DLG2: variants seen among roughly 807,000 people sequenced by gnomAD.
DLG2 encodes disks large homolog 2.
A neutral mutation model predicts 132.5 loss-of-function variants in DLG2; 45 were observed. The observed-to-expected ratio is 0.34, with a 90% CI of 0.27 to 0.44. DLG2 has a LOEUF of 0.44. DLG2 is among the 20% of genes least tolerant of loss of function. The probability of loss-of-function intolerance (pLI) is 1.00; values close to 1 mark genes in which losing one functional copy is unlikely to be tolerated. For missense variants in DLG2, 1,045 were observed against 1,196.9 expected (o/e 0.87, Z 1.87); for synonymous variants, 424 against 419.6 (o/e 1.01, Z -0.13).
At chr11:85,201,744 AAAGT>A (rs1234877310) in intron 4 of DLG2, among the ~76,000 whole-genome samples, 1 of 152,230 alleles carries the variant, frequency 6.6e-6, no homozygotes, top group East Asian at 1.9e-4. Context: ...CCAAATGGAC[AAAGT>A]AAGGCACTAG....
intron 6 of DLG2, among the ~76,000 whole-genome samples, chr11:84,875,211 T>C (rs559195007): frequency 6.6e-6 from 1 of 152,142 alleles, no homozygotes; most frequent in South Asian, 2.1e-4. Context: ...TATGGATACA[T>C]TGGTTTAATA....
At chr11:85,625,157 A>C (rs2081967077) in intron 2 of DLG2, 1 of 151,014 alleles carries the variant, frequency 6.6e-6, no homozygotes, top group South Asian at 2.1e-4. Context: ...TCTTCCTTTC[A>C]CTCTTTTCCT....
At chr11:84,069,219 T>C (rs2096721504) in intron 10 of DLG2, among the ~76,000 whole-genome samples, 1 of 152,210 alleles carries the variant, frequency 6.6e-6, no homozygotes, top group South Asian at 2.1e-4. Flanking sequence ...CAAAAACCAC[T>C]GCTCTAGGTT....
At chr11:84,058,834 G>T (rs1450011255) in intron 11 of DLG2, among the ~76,000 whole-genome samples, 1 of 151,836 alleles carries the variant, frequency 6.6e-6, no homozygotes, top group Non-Finnish European at 1.5e-5. Flanking sequence ...TTTGGCTACT[G>T]CAAGCATAAA....
At chr11:85,165,416 G>A (rs2078367941) in intron 4 of DLG2, among the ~76,000 whole-genome samples, 1 of 152,126 alleles carries the variant, frequency 6.6e-6, no homozygotes, top group Non-Finnish European at 1.5e-5. Context: ...CTTTAAAATG[G>A]GACAGTTTTC....
intron 18 of DLG2, among the ~76,000 whole-genome samples, chr11:83,721,161 A>T (rs1593082997): frequency 6.6e-6 from 1 of 152,170 alleles, no homozygotes; most frequent in Non-Finnish European, 1.5e-5. Flanking sequence ...GGGGGATAGC[A>T]GTTGGCCAAG....
At chr11:84,739,958 G>A (rs1326532296) in intron 6 of DLG2, among the ~76,000 whole-genome samples, 1 of 151,936 alleles carries the variant, frequency 6.6e-6, no homozygotes, top group Non-Finnish European at 1.5e-5. Context: ...GCCCCAGCTA[G>A]GCCCTAGAGT....
chr11:84,878,342 T>C (rs548608186), intron 6 of DLG2, among the ~76,000 whole-genome samples: 15 of 151,970 alleles, frequency 9.9e-5, no homozygotes, highest in African/African-American at 3.4e-4. Context: ...ATAAAGAAAA[T>C]GTGGCACATA....
chr11:84,909,680 T>C (rs1274739500), intron 6 of DLG2, among the ~76,000 whole-genome samples: 2 of 152,214 alleles, frequency 1.3e-5, no homozygotes, highest in Non-Finnish European at 2.9e-5. Flanking sequence ...TCTATCCGAA[T>C]AGGCTCAGTA....
chr11:85,370,110 G>A (rs982019417), intron 3 of DLG2, among the ~76,000 whole-genome samples: 2 of 152,118 alleles, frequency 1.3e-5, no homozygotes, highest in African/African-American at 4.8e-5. Flanking sequence ...TAAGGCCTAT[G>A]GAACTGACAT....
intron 18 of DLG2, among the ~76,000 whole-genome samples, chr11:83,658,463 T>C (rs2073340578): frequency 6.6e-6 from 1 of 152,250 alleles, no homozygotes. Flanking sequence ...CTTCACAGAA[T>C]GACAATGATA....
intron 17 of DLG2, among the ~76,000 whole-genome samples, chr11:83,810,933 A>G (rs2153963838): frequency 6.6e-6 from 1 of 152,228 alleles, no homozygotes; most frequent in South Asian, 2.1e-4. Context: ...TAGAAAGTCA[A>G]GCTTTCTATG....
At chr11:84,792,027 G>C (rs912539633) in intron 6 of DLG2, among the ~76,000 whole-genome samples, 3 of 152,066 alleles carry the variant, frequency 2.0e-5, no homozygotes, top group African/African-American at 7.2e-5. Flanking sequence ...TAGAGGAAAG[G>C]CTTTCAGTTT....
chr11:84,043,944 T>C (rs913282912), intron 11 of DLG2, among the ~76,000 whole-genome samples: 1 of 151,706 alleles, frequency 6.6e-6, no homozygotes, highest in Admixed American at 6.6e-5. Flanking sequence ...ACAGCATAAA[T>C]CATGAGCAAT....
At chr11:84,433,348 A>T (rs936074526) in intron 7 of DLG2, among the ~76,000 whole-genome samples, 1 of 152,190 alleles carries the variant, frequency 6.6e-6, no homozygotes, top group African/African-American at 2.4e-5. Context: ...ATTTATCTTA[A>T]AGATTCTTCA....
intron 19 of DLG2, among the ~76,000 whole-genome samples, chr11:83,589,711 T>C (rs2097154492): frequency 6.6e-6 from 1 of 151,228 alleles, no homozygotes; most frequent in African/African-American, 2.4e-5. Context: ...GGATAAAGAG[T>C]CAAGACCCAG....
At chr11:85,088,648 A>G (rs1418734961) in intron 6 of DLG2, among the ~76,000 whole-genome samples, 1 of 152,196 alleles carries the variant, frequency 6.6e-6, no homozygotes, top group Non-Finnish European at 1.5e-5. Context: ...TCTGTATTTT[A>G]TTATATTAAA....
At chr11:84,111,201 T>C (rs1395226949) in intron 9 of DLG2, among the ~76,000 whole-genome samples, 2 of 152,214 alleles carry the variant, frequency 1.3e-5, no homozygotes, top group African/African-American at 4.8e-5. Context: ...CAGAACTGAA[T>C]AAATCCTTGT....
intron 7 of DLG2, among the ~76,000 whole-genome samples, chr11:84,367,852 G>T (rs1483088868): frequency 6.6e-6 from 1 of 152,026 alleles, no homozygotes; most frequent in Non-Finnish European, 1.5e-5. Flanking sequence ...CAGATATTCA[G>T]TTATAGTGAC....
Sources: gnomAD v4.1 joint callset for allele counts (sites outside exome capture counted in the v4.1 genomes callset) on GRCh38, gnomAD v4.1.1 for gene constraint, MANE v1.5 for transcripts, NCBI Gene and HGNC (gene_info 2026-07-23, HGNC 2026-07-21) for gene names.